Variants in ATP2C2 observed in about 807,000 individuals in gnomAD.
ATP2C2 encodes calcium-transporting ATPase type 2C member 2.
ATP2C2 carries 171 observed loss-of-function variants against 110.8 expected under a neutral mutation model. The ratio of observed to expected loss-of-function variants is 1.54; its 90% confidence interval spans 1.36 to 1.75. ATP2C2 has a LOEUF of 1.75. Among genes scored for constraint, ATP2C2 ranks in the 40% most tolerant of loss-of-function variants. The pLI, the probability that ATP2C2 is intolerant of heterozygous loss-of-function variation, is 0.00. For synonymous variants in ATP2C2, 804 were observed against 508.4 expected, an observed-to-expected ratio of 1.58 and a Z score of -7.82; for missense variants, 1,963 against 1,235.0, an observed-to-expected ratio of 1.59 and a Z score of -8.84.
intron 3 of ATP2C2, 27 bp downstream of exon 3, chr16:84,405,271 A>G (rs775846419): frequency 6.3e-7 from 1 of 1,577,034 alleles, no homozygotes; most frequent in Non-Finnish European, 8.7e-7. Flanking sequence ...CATTCTTTGC[A>G]TTAACATGCA....
chr16:84,406,769 A>G, intron 3 of ATP2C2: 2 of 469,378 alleles, frequency 4.3e-6, no homozygotes, highest in Non-Finnish European at 2.8e-6. Context: ...GCTGTGAGGG[A>G]GGAGCTCCCC....
intron 2 of ATP2C2, among the ~76,000 whole-genome samples, chr16:84,398,952 C>T (rs1270431010): frequency 6.6e-6 from 1 of 152,220 alleles, no homozygotes; most frequent in Non-Finnish European, 1.5e-5. Flanking sequence ...TTAGAGGTAG[C>T]ACAGCCCAGC....
At chr16:84,425,099 C>A (rs963833344) in intron 10 of ATP2C2, among the ~76,000 whole-genome samples, 7 of 152,278 alleles carry the variant, frequency 4.6e-5, no homozygotes, top group Admixed American at 2.0e-4. Context: ...CACACACACA[C>A]CCCGCTACCA....
chr16:84,449,000 C>T (rs1375738451), intron 17 of ATP2C2, among the ~76,000 whole-genome samples: 1 of 152,206 alleles, frequency 6.6e-6, no homozygotes, highest in African/African-American at 2.4e-5. Flanking sequence ...TTGCTCATTG[C>T]CTCTTGTCAG....
intron 13 of ATP2C2, among the ~76,000 whole-genome samples, chr16:84,440,440 C>G (rs1487084617): frequency 6.6e-6 from 1 of 152,246 alleles, no homozygotes; most frequent in African/African-American, 2.4e-5. Flanking sequence ...CCACCACACC[C>G]ATTTGTGTAC....
At chr16:84,453,542 G>A (rs556374077) in intron 20 of ATP2C2, among the ~76,000 whole-genome samples, 171 bp downstream of exon 20, 2 of 152,286 alleles carry the variant, frequency 1.3e-5, no homozygotes, top group African/African-American at 2.4e-5. Context: ...CAGGGGGAGG[G>A]GAGGAGGTTG....
chr16:84,430,982 A>G (rs1597822673), intron 11 of ATP2C2, among the ~76,000 whole-genome samples: 1 of 152,156 alleles, frequency 6.6e-6, no homozygotes, highest in East Asian at 1.9e-4. Flanking sequence ...GCCATTGGCA[A>G]TGGGCTCGAG....
At position 84,368,637 on chromosome 16, in the gene ATP2C2, G is replaced by T. The variant is rs866779041; in HGVS notation, c.22G>T (p.Glu8Ter). MVEGRVS[E>*]FLKKLGFSGG... ...CACCATGGTCGAGGGACGCGTCTCC[G>T]AGTTCCTGAAGAAACTCGGCTTCTC... The change falls in exon 1 of 27, where the codon GAG becomes TAG. Residue 8 changes from glutamate (E) to a stop codon, truncating the protein, a stop_gained. Coordinates refer to ENST00000262429, the MANE Select transcript of ATP2C2 (RefSeq NM_014861.4). LOFTEE classifies it high-confidence loss of function. The T allele has an allele frequency of 6.4e-7, 1 of 1,564,396 alleles. No homozygotes were observed. Among genetic ancestry groups the T allele is most frequent in the African/African-American group, 1.4e-5 (1 of 71,836 alleles).
chr16:84,409,699 CCCTGTGTTGGCCAGGCTGATGTCG>C (rs1906100708), intron 4 of ATP2C2, among the ~76,000 whole-genome samples: 1 of 152,028 alleles, frequency 6.6e-6, no homozygotes, highest in East Asian at 1.9e-4. Context: ...GATGAGGTTT[CCCTGTGTTGGCCAGGCTGATGTCG>C]ACCTCTTGAC....
chr16:84,448,816 CAAT>C (rs1228169102), intron 17 of ATP2C2, 127 bp downstream of exon 17: 2 of 1,292,968 alleles, frequency 1.5e-6, no homozygotes, highest in East Asian at 2.4e-5. Flanking sequence ...ATGCTGACGG[CAAT>C]AATGTGTGCT....
At chr16:84,460,348 G>GGT (rs1555508289) in intron 23 of ATP2C2, 40 of 409,610 alleles carry the variant, frequency 9.8e-5, no homozygotes, top group African/African-American at 6.5e-4. Context: ...GCGCAACGTT[G>GGT]GGGGGGGTCC....
At chr16:84,454,093 C>T (rs905676957) in intron 20 of ATP2C2, among the ~76,000 whole-genome samples, 4 of 152,110 alleles carry the variant, frequency 2.6e-5, no homozygotes, top group Admixed American at 6.5e-5. Context: ...CGCCTATCTT[C>T]GCCTCCCAAA....
chr16:84,456,137 C>T (rs1160695552), intron 21 of ATP2C2, among the ~76,000 whole-genome samples: 5 of 111,788 alleles, frequency 4.5e-5, no homozygotes, highest in African/African-American at 6.9e-5. Flanking sequence ...ATGATGCTGG[C>T]CTCATAAAAT....
chr16:84,430,771 G>C (rs1464950588), intron 11 of ATP2C2, among the ~76,000 whole-genome samples: 1 of 152,046 alleles, frequency 6.6e-6, no homozygotes, highest in African/African-American at 2.4e-5. Context: ...CAGCCCATGG[G>C]GTAAGTCTGG....
intron 1 of ATP2C2, among the ~76,000 whole-genome samples, chr16:84,397,094 T>C (rs1431851592): frequency 6.6e-6 from 1 of 151,890 alleles, no homozygotes; most frequent in Admixed American, 6.5e-5. Flanking sequence ...AAGATGATTA[T>C]CACATCCTGG....
At chr16:84,423,305 G>T (rs1272496939) in intron 10 of ATP2C2, 42 bp downstream of exon 10, 1 of 1,574,040 alleles carries the variant, frequency 6.4e-7, no homozygotes, top group South Asian at 1.1e-5. Context: ...TCTGCAGATG[G>T]AGGGGAGCCA....
intron 18 of ATP2C2, among the ~76,000 whole-genome samples, chr16:84,452,497 CTTTT>C (rs397816630): frequency 8.4e-6 from 1 of 118,360 alleles, no homozygotes; most frequent in Non-Finnish European, 1.7e-5. Context: ...CCTCTAGTTA[CTTTT>C]TTTTTTTTTT....
chr16:84,451,499 C>T (rs775217765), intron 17 of ATP2C2, among the ~76,000 whole-genome samples: 3 of 152,224 alleles, frequency 2.0e-5, no homozygotes, highest in African/African-American at 7.2e-5. Context: ...GACTTGTTGC[C>T]TGAGCCCTCT....
At position 84,447,751 on chromosome 16, in the gene ATP2C2, TAATATAC is replaced by T. The variant is rs924920534; in HGVS notation, c.1504-780_1504-774del. ...GAATATATTAGTTATATATAATATA[TAATATAC>T]ATATAAATAATATAATGTAATATAA... is the stretch of plus-strand genomic sequence containing the variant. On this transcript the variant is annotated intron_variant, in intron 16 of 26. Transcript: ENST00000262429. Among the ~76,000 whole-genome samples, 8 of 140,348 alleles carry T rather than the reference TAATATAC, an allele frequency of 5.7e-5. No individual in the cohort carries two copies. The South Asian group carries it at 8.4e-4, about 15-fold the overall frequency. 92.1% of individuals were successfully genotyped at this position (140,348 alleles called of 152,430 possible).
Sources: gnomAD v4.1 joint callset for allele counts (sites outside exome capture counted in the v4.1 genomes callset) on GRCh38, gnomAD v4.1.1 for gene constraint, MANE v1.5 for transcripts, NCBI Gene and HGNC (gene_info 2026-07-23, HGNC 2026-07-21) for gene names.